PIK3CB: variants seen among roughly 807,000 people sequenced by gnomAD.
PIK3CB encodes the protein phosphatidylinositol 4,5-bisphosphate 3-kinase catalytic subunit beta isoform.
Under a neutral mutation model 136.8 loss-of-function variants are expected in PIK3CB, and 39 were observed. That is an observed-to-expected ratio of 0.29 (90% CI 0.22 to 0.37). PIK3CB has a LOEUF of 0.37. PIK3CB is among the 10% of genes least tolerant of loss of function. The probability of loss-of-function intolerance (pLI) is 1.00; values close to 1 mark genes in which losing one functional copy is unlikely to be tolerated. For synonymous variants in PIK3CB, 428 were observed against 436.6 expected (o/e 0.98, Z 0.25); for missense variants, 868 against 1,275.4 (o/e 0.68, Z 4.87).
intron 22 of PIK3CB, among the ~76,000 whole-genome samples, chr3:138,656,508 T>C (rs902968971): frequency 1.3e-5 from 2 of 152,146 alleles, no homozygotes; most frequent in Non-Finnish European, 2.9e-5. Context: ...CAAAACTAAA[T>C]AGAAATTCTA....
intron 8 of PIK3CB, among the ~76,000 whole-genome samples, chr3:138,728,058 C>T (rs925900839): frequency 6.6e-6 from 1 of 152,056 alleles, no homozygotes; most frequent in African/African-American, 2.4e-5. Context: ...GTGATCCACC[C>T]GCCTCGGCCT....
intron 19 of PIK3CB, 75 bp from the exon 20 acceptor site, chr3:138,665,278 A>G (rs1288532560): frequency 8.5e-7 from 1 of 1,179,750 alleles, no homozygotes; most frequent in Non-Finnish European, 1.2e-6. Flanking sequence ...TTTTCCCTTT[A>G]CTTTTTAAAA....
chr3:138,657,535 A>C (rs1421708006), intron 22 of PIK3CB, 155 bp downstream of exon 22: 3 of 605,334 alleles, frequency 5.0e-6, no homozygotes, highest in Non-Finnish European at 8.6e-6. Context: ...CTGAACCAGC[A>C]CAATAATCTG....
At chr3:138,812,180 C>T (rs968471867) in intron 1 of PIK3CB, among the ~76,000 whole-genome samples, 21 of 151,360 alleles carry the variant, frequency 1.4e-4, no homozygotes, top group African/African-American at 4.9e-4. Flanking sequence ...TTAGTGGTTG[C>T]CAGAGGTTAG....
rs774533601 is a variant in PIK3CB at position 138,737,656 on chromosome 3, T to C, written c.801+51A>G. 9.1e-6 allele frequency: 5 copies of C among 549,494 alleles called. 1 individual carries two copies. Among genetic ancestry groups the C allele is most frequent in the South Asian group, 1.5e-4 (2 of 13,456 alleles). The allele number at this position is 549,494 out of a possible 1,614,324, so 34.0% of individuals were successfully genotyped here. On this transcript the variant is annotated intron_variant, in intron 6 of 23. Transcript: ENST00000674063. ...AAGTCAGAAATAAAATATATATATA[T>C]ATATATATACTCATAGACTTTTCTG...
chr3:138,704,390 A>C, intron 12 of PIK3CB, 53 bp downstream of exon 12: 1 of 1,179,708 alleles, frequency 8.5e-7, no homozygotes, highest in Non-Finnish European at 1.3e-6. Flanking sequence ...AAAGATACCT[A>C]ATAATGTGCA....
At chr3:138,781,872 C>T (rs1368935706) in intron 2 of PIK3CB, among the ~76,000 whole-genome samples, 1 of 151,898 alleles carries the variant, frequency 6.6e-6, no homozygotes, top group Non-Finnish European at 1.5e-5. Context: ...CAGAAGGCCA[C>T]GTTAATGCCA....
At chr3:138,712,456 A>G in intron 9 of PIK3CB, 152 bp from the exon 10 acceptor site, 1 of 430,082 alleles carries the variant, frequency 2.3e-6, no homozygotes, top group Non-Finnish European at 4.1e-6. Flanking sequence ...ATACATAGAA[A>G]AATGCTCACT....
chr3:138,802,032 G>C (rs1324345083), intron 1 of PIK3CB, among the ~76,000 whole-genome samples: 6 of 151,316 alleles, frequency 4.0e-5, no homozygotes, highest in Non-Finnish European at 8.8e-5. Flanking sequence ...GAAGCAGCAA[G>C]ATCCTGTTTC....
At chr3:138,787,963 C>T (rs1474305071) in intron 2 of PIK3CB, among the ~76,000 whole-genome samples, 1 of 150,438 alleles carries the variant, frequency 6.6e-6, no homozygotes, top group African/African-American at 2.5e-5. Flanking sequence ...TGCTCTGTCA[C>T]CCAGGCTGGA....
intron 1 of PIK3CB, among the ~76,000 whole-genome samples, chr3:138,805,945 GT>G (rs1006156177): frequency 1.3e-5 from 2 of 151,360 alleles, no homozygotes; most frequent in Non-Finnish European, 2.9e-5. Context: ...GGTCAGGATG[GT>G]CTCAATCTCC....
chr3:138,811,444 T>G (rs894372231), intron 1 of PIK3CB, among the ~76,000 whole-genome samples: 1 of 151,560 alleles, frequency 6.6e-6, no homozygotes, highest in Non-Finnish European at 1.5e-5. Context: ...TTTTTTTTTT[T>G]TGGCAGTGTC....
rs1328206201 is a variant in PIK3CB, at chr3:138,824,726, C to A, written c.-122+9969G>T. Among the ~76,000 whole-genome samples, 6 of 151,502 alleles carry A rather than the reference C, an allele frequency of 4.0e-5. No individual in the cohort carries two copies. The South Asian group carries it at 1.3e-3, about 32-fold the overall frequency. ...AAAGAAAAGAAATGAAGGAGATATA[C>A]ATTCTCGGGGAGAAGGGGGGTCACA... On this transcript the variant is annotated intron_variant, in intron 1 of 23. Transcript: ENST00000674063.
At chr3:138,804,148 A>T (rs895261024) in intron 1 of PIK3CB, among the ~76,000 whole-genome samples, 3 of 151,990 alleles carry the variant, frequency 2.0e-5, no homozygotes, top group African/African-American at 4.8e-5. Context: ...TCTACAAAAA[A>T]TTTTTTAAAA....
chr3:138,750,696 C>A (rs766236417), intron 4 of PIK3CB, among the ~76,000 whole-genome samples: 20 of 152,194 alleles, frequency 1.3e-4, no homozygotes, highest in Non-Finnish European at 2.5e-4. Context: ...TCCCCTTTCC[C>A]AGCCCAATAC....
intron 19 of PIK3CB, among the ~76,000 whole-genome samples, chr3:138,681,494 C>A (rs187743890): frequency 6.6e-6 from 1 of 151,894 alleles, no homozygotes; most frequent in African/African-American, 2.4e-5. Context: ...TTTTTTCTGT[C>A]ACGACACCAC....
At chr3:138,672,929 A>AG (rs1553719988) in intron 19 of PIK3CB, among the ~76,000 whole-genome samples, 3,653 of 140,990 alleles carry the variant, frequency 0.026, 54 homozygotes, top group Middle Eastern at 0.036. Context: ...AAAAAAAAAA[A>AG]AGAGAGAGAG....
chr3:138,672,773 G>A lies in PIK3CB; in HGVS notation c.2505-7570C>T, dbSNP rs556246642. Reference sequence around the variant, plus strand: ...CTAAAAATACAAAAATTAGCCGGGCGTGGTGGTGGGTTCCTGTAATCCCAG... The same window carrying A: ...CTAAAAATACAAAAATTAGCCGGGCATGGTGGTGGGTTCCTGTAATCCCAG... On this transcript the variant is annotated intron_variant, in intron 19 of 23. Coordinates refer to ENST00000674063, the MANE Select transcript of PIK3CB (RefSeq NM_006219.3). Among the ~76,000 whole-genome samples, 17 of 152,088 alleles carry A rather than the reference G, an allele frequency of 1.1e-4. No individual in the cohort carries two copies. The South Asian group carries it at 3.1e-3, about 28-fold the overall frequency.
rs547858746 is a variant in PIK3CB, at chr3:138,699,833, G to A, written c.1582-738C>T. 3.9e-5 allele frequency among the ~76,000 whole-genome samples: 6 copies of A among 152,118 alleles called. No homozygotes were observed. In the South Asian group the frequency reaches 1.2e-3, roughly 32 times the overall value. On this transcript the variant is annotated intron_variant, in intron 12 of 23. Transcript: ENST00000674063. ...CTCTGTTTCACAAAAGGGCCTGGAA[G>A]CAACTGCACCCCTGCATTCTCCAAG...
Sources: gnomAD v4.1 joint callset for allele counts (sites outside exome capture counted in the v4.1 genomes callset) on GRCh38, gnomAD v4.1.1 for gene constraint, MANE v1.5 for transcripts, NCBI Gene and HGNC (gene_info 2026-07-23, HGNC 2026-07-21) for gene names.